The following UBR4 variants were observed in gnomAD, a reference collection of about 807,000 sequenced individuals.
The protein encoded by UBR4 is E3 ubiquitin-protein ligase UBR4.
A neutral mutation model predicts 575.6 loss-of-function variants in UBR4; 124 were observed. That is an observed-to-expected ratio of 0.22 (90% CI 0.19 to 0.25). The LOEUF (loss-of-function observed/expected upper bound fraction) is 0.25. UBR4 is among the 10% of genes least tolerant of loss of function. The pLI is 1.00. For synonymous variants in UBR4, 2,455 were observed against 2,473.7 expected (o/e 0.99, Z 0.22); for missense variants, 4,818 against 6,478.8 (o/e 0.74, Z 8.80).
intron 1 of UBR4, among the ~76,000 whole-genome samples, chr1:19,202,302 T>G (rs1258525348): frequency 1.3e-5 from 2 of 152,078 alleles, no homozygotes; most frequent in Non-Finnish European, 2.9e-5. Context: ...ATTTTCAAAG[T>G]CAAGCAGAAC....
At chr1:19,200,181 A>C (rs2092675868) in intron 2 of UBR4, among the ~76,000 whole-genome samples, 1 of 152,108 alleles carries the variant, frequency 6.6e-6, no homozygotes, top group Admixed American at 6.6e-5. Flanking sequence ...AGGAGTGTGC[A>C]ATCTTTTGGC....
chr1:19,167,562 C>T (rs570962473), intron 28 of UBR4, among the ~76,000 whole-genome samples: 1 of 152,148 alleles, frequency 6.6e-6, no homozygotes. Context: ...CCCAGACAAG[C>T]CTTCTAGAAG....
chr1:19,106,717 C>T lies in UBR4; in HGVS notation c.12245G>A (p.Gly4082Asp), dbSNP rs747015982. ...TGATTTGCTGGGGGCTTTCCCATTG[C>T]CATCTATCCCTGCAAGGCCAAGGGT... ...KKCLPIRGID[G>D]NGKAPSKSEL... Residue 4082 changes from glycine to aspartate, a missense_variant, in exon 83 of 106, where the codon GGC becomes GAC. By Grantham distance (94) the Gly-to-Asp change is moderately conservative (BLOSUM62 -1). Coordinates refer to ENST00000375254, the MANE Select transcript of UBR4 (RefSeq NM_020765.3). The T allele has an allele frequency of 1.3e-6, 2 of 1,598,290 alleles. No individual in the cohort carries two copies. The highest frequency in any genetic ancestry group is 1.7e-5 in the Admixed American group (1 of 58,790).
chr1:19,116,641 T>C (rs1250073407), intron 73 of UBR4, among the ~76,000 whole-genome samples: 4 of 152,216 alleles, frequency 2.6e-5, no homozygotes, highest in African/African-American at 4.8e-5. Context: ...AGGCGATCTG[T>C]CTCTGTGAAA....
At position 19,117,878 on chromosome 1, in the gene UBR4, T is replaced by G; in HGVS notation, c.10574A>C (p.Tyr3525Ser). ...TLSGLVEFDG[Y>S]YLESDPCLVC... ...CAGGCAGGGATCGCTCTCCAGGTAA[T>G]AGCCATCAAACTCCACTAAGCCAGA... Residue 3525 changes from tyrosine (Y) to serine (S), a missense_variant, in exon 72 of 106, where the codon TAT (tyrosine) becomes TCT (serine). Coordinates refer to ENST00000375254, the MANE Select transcript of UBR4 (RefSeq NM_020765.3). This position sits in a 1 kb window ranked among gnomAD's most constrained non-coding sequence, Gnocchi z 4.0. 1 of 1,614,156 alleles carries G rather than the reference T, an allele frequency of 6.2e-7. No individual in the cohort carries two copies. Among genetic ancestry groups the G allele is most frequent in the Non-Finnish European group, 8.5e-7 (1 of 1,180,006 alleles).
chr1:19,134,693 A>AT (rs1178897731), intron 60 of UBR4, among the ~76,000 whole-genome samples: 255 of 145,322 alleles, frequency 1.8e-3, no homozygotes, highest in Middle Eastern at 7.3e-3. Context: ...GAAGGTCTTC[A>AT]TTTTTTTTTT....
chr1:19,081,399 C>T lies in UBR4; in HGVS notation c.15183G>A (p.Arg5061=). The change falls in exon 103 of 106, where the codon AGG becomes AGA. Residue 5061 remains arginine, a synonymous_variant. Transcript: ENST00000375254. The stretch of plus-strand genomic sequence containing the variant: ...CCCGAGCCTGCGAGGTCACCAACAG[C>T]CTCCGCAAGATTTCCACACGTGTGG... ...WRATRVEILR[R]LLVTSQARAV... The T allele has an allele frequency of 2.5e-6, 4 of 1,613,532 alleles. No homozygotes were observed. Among genetic ancestry groups the T allele is most frequent in the Non-Finnish European group, 3.4e-6 (4 of 1,179,666 alleles).
At chr1:19,123,602 T>G (rs2081407287) in intron 65 of UBR4, among the ~76,000 whole-genome samples, 1 of 152,050 alleles carries the variant, frequency 6.6e-6, no homozygotes, top group Non-Finnish European at 1.5e-5. Context: ...ATACCAATAT[T>G]CATGCATCTC....
At chr1:19,098,316 G>C (rs749694103) in intron 90 of UBR4, among the ~76,000 whole-genome samples, 12 of 152,220 alleles carry the variant, frequency 7.9e-5, no homozygotes, top group Non-Finnish European at 1.6e-4. Flanking sequence ...TGGAGGGCAA[G>C]GTAGAGAAGG....
rs1018948980 is a variant in UBR4, at chr1:19,086,732, G to A, written c.14634C>T (p.Ser4878=). 3 of 1,614,236 alleles carry A rather than the reference G, an allele frequency of 1.9e-6. No individual in the cohort carries two copies. Among genetic ancestry groups the A allele is most frequent in the East Asian group, 4.5e-5 (2 of 44,884 alleles). ...ENKPRKQQGY[S]TVSHFNIVHY... is the part of the protein sequence containing the mutation. ...GCACAATGTTGAAGTGGGACACGGT[G>A]CTGTAGCCCTGCTGTTTCCGGGGCT... The change falls in exon 100 of 106, where the codon AGC becomes AGT. Residue 4878 remains serine (S), a synonymous_variant. Coordinates refer to ENST00000375254, the MANE Select transcript of UBR4 (RefSeq NM_020765.3).
chr1:19,181,611 A>G (rs1221193694), intron 17 of UBR4, among the ~76,000 whole-genome samples: 1 of 152,080 alleles, frequency 6.6e-6, no homozygotes, highest in Non-Finnish European at 1.5e-5. Context: ...AGTTATCTTT[A>G]TTTCCTCAGT....
chr1:19,120,641 C>T (rs1430284488), intron 68 of UBR4, among the ~76,000 whole-genome samples: 3 of 152,170 alleles, frequency 2.0e-5, no homozygotes, highest in African/African-American at 7.2e-5. Context: ...TGTAAGCTGG[C>T]ACTGAACAAA....
intron 47 of UBR4, 21 bp from the exon 48 acceptor site, chr1:19,151,880 C>A: frequency 6.5e-7 from 1 of 1,543,424 alleles, no homozygotes; most frequent in Non-Finnish European, 8.7e-7. Flanking sequence ...ACAAGGCACA[C>A]ATCAAGAAAC....
At chr1:19,149,932 T>C in intron 49 of UBR4, 1 of 450,002 alleles carries the variant, frequency 2.2e-6, no homozygotes, top group Non-Finnish European at 3.9e-6. Context: ...GGGAGGAGGC[T>C]GGTGGTGGGA....
At chr1:19,151,617 G>A (rs1309505128) in intron 48 of UBR4, 26 bp downstream of exon 48, 2 of 1,613,132 alleles carry the variant, frequency 1.2e-6, no homozygotes, top group South Asian at 2.2e-5. Context: ...TGAGGACAGA[G>A]TCTGCACCAG....
chr1:19,184,279 G>T, intron 15 of UBR4, 104 bp from the exon 16 acceptor site: 2 of 1,207,832 alleles, frequency 1.7e-6, no homozygotes, highest in South Asian at 1.6e-5. Flanking sequence ...TAGGTATCCT[G>T]CAATAAACAC....
At chr1:19,192,443 G>C in intron 10 of UBR4, 38 bp downstream of exon 10, 1 of 1,614,174 alleles carries the variant, frequency 6.2e-7, no homozygotes, top group Non-Finnish European at 8.5e-7. Flanking sequence ...GAGAGGACAA[G>C]ATAGGAAGTA....
chr1:19,148,972 C>T (rs1323875353), intron 49 of UBR4, among the ~76,000 whole-genome samples: 3 of 152,258 alleles, frequency 2.0e-5, no homozygotes, highest in African/African-American at 7.2e-5. Flanking sequence ...GGACCCAAAG[C>T]TCAGCTGCCC....
Position 19,154,817 on chromosome 1 carries a change from TAA to T in UBR4, c.6458+99_6458+100del, listed in dbSNP as rs1266113206. On this transcript the variant is annotated intron_variant, in intron 44 of 105. Coordinates refer to ENST00000375254, the MANE Select transcript of UBR4 (RefSeq NM_020765.3). ...GAAAAAAAGGTTGGCTGGAGAAAAT[TAA>T]GTTTCACAAAACTCAGAACAGATAG... The T allele has an allele frequency of 2.6e-6, 4 of 1,520,268 alleles. No individual in the cohort carries two copies. In the African/African-American group the frequency reaches 4.1e-5, roughly 16 times the overall value. 94.2% of individuals were successfully genotyped at this position (1,520,268 alleles called of 1,614,324 possible).
Sources: gnomAD v4.1 joint callset for allele counts (sites outside exome capture counted in the v4.1 genomes callset) on GRCh38, gnomAD v4.1.1 for gene constraint, Gnocchi (gnomAD v3.1) non-coding constraint, MANE v1.5 for transcripts, NCBI Gene and HGNC (gene_info 2026-07-23, HGNC 2026-07-21) for gene names.